Variants in MAPRE1 observed in about 807,000 individuals in gnomAD.
MAPRE1 encodes the protein microtubule-associated protein RP/EB family member 1.
MAPRE1 carries 5 observed loss-of-function variants against 32.1 expected under a neutral mutation model. The ratio of observed to expected loss-of-function variants is 0.16; its 90% confidence interval spans 0.08 to 0.33. MAPRE1 has a LOEUF of 0.33. Ranked by LOEUF, MAPRE1 falls within the 10% of genes least tolerant of loss-of-function variation. The pLI, the probability that MAPRE1 is intolerant of heterozygous loss-of-function variation, is 1.00. For missense variants in MAPRE1, 209 were observed against 327.2 expected, an observed-to-expected ratio of 0.64 and a Z score of 2.79; for synonymous variants, 122 against 118.9, an observed-to-expected ratio of 1.03 and a Z score of -0.17.
In MAPRE1 at chr20:32,825,687, C is replaced by T. The variant is rs139565400; in HGVS notation, c.-3-238C>T. 1.8e-4 allele frequency among the ~76,000 whole-genome samples: 28 copies of T among 152,108 alleles called. No individual in the cohort carries two copies. In the East Asian group the frequency reaches 5.4e-3, roughly 29 times the overall value. ...GTACACGCCTGTAATCCCAGCTACT[C>T]GGGAGGCTGAGGCAGGAGAATTACT... On this transcript the variant is annotated intron_variant, in intron 1 of 6. Transcript: ENST00000375571.
At chr20:32,845,032 T>A (rs200140435) in intron 5 of MAPRE1, among the ~76,000 whole-genome samples, 23 of 105,892 alleles carry the variant, frequency 2.2e-4, no homozygotes, top group East Asian at 4.9e-4. Flanking sequence ...TGTATGTATG[T>A]ATGAATGAAT....
At chr20:32,830,671 G>A (rs1014212438) in intron 2 of MAPRE1, among the ~76,000 whole-genome samples, 3 of 151,850 alleles carry the variant, frequency 2.0e-5, no homozygotes, top group Non-Finnish European at 4.4e-5. Context: ...TATTGCATAA[G>A]TCTGCAGCCT....
intron 2 of MAPRE1, among the ~76,000 whole-genome samples, chr20:32,830,776 G>T (rs1352140078): frequency 1.0e-4 from 15 of 143,726 alleles, no homozygotes; most frequent in African/African-American, 3.9e-4. Context: ...TCGCTCTGTT[G>T]CCCAGGCTGG....
chr20:32,846,232 A>G (rs1192205011), intron 5 of MAPRE1, among the ~76,000 whole-genome samples: 3 of 152,082 alleles, frequency 2.0e-5, no homozygotes, highest in South Asian at 2.1e-4. Context: ...GGTCCTTTCT[A>G]TTGACCCCCT....
intron 5 of MAPRE1, among the ~76,000 whole-genome samples, chr20:32,845,103 C>T (rs1466827946): frequency 6.6e-6 from 1 of 152,124 alleles, no homozygotes; most frequent in East Asian, 1.9e-4. Context: ...TGTAATGGTC[C>T]ATTGATAGCT....
At chr20:32,830,956 C>T (rs1201088656) in intron 2 of MAPRE1, among the ~76,000 whole-genome samples, 1 of 152,146 alleles carries the variant, frequency 6.6e-6, no homozygotes, top group Non-Finnish European at 1.5e-5. Context: ...GATCTCCTGA[C>T]CTCGTGATCC....
At chr20:32,846,111 A>G (rs138991745) in intron 5 of MAPRE1, among the ~76,000 whole-genome samples, 90 of 152,254 alleles carry the variant, frequency 5.9e-4, no homozygotes, top group Admixed American at 3.5e-3. Context: ...AAGGACTGAG[A>G]CAGATTTCTT....
intron 2 of MAPRE1, among the ~76,000 whole-genome samples, chr20:32,832,310 G>T (rs1329711378): frequency 6.6e-6 from 1 of 152,126 alleles, no homozygotes; most frequent in Admixed American, 6.5e-5. Flanking sequence ...AGTGAAGCCT[G>T]CTGTGAATTA....
At position 32,844,740 on chromosome 20, in the gene MAPRE1, T is replaced by C. The variant is rs565161069; in HGVS notation, c.598-1878T>C. On this transcript the variant is annotated intron_variant, in intron 5 of 6. Coordinates refer to ENST00000375571, the MANE Select transcript of MAPRE1 (RefSeq NM_012325.3). Reference sequence around the variant, plus strand: ...ATTCCTTTTCATAAGCTCTTTCGACTTCCTTTCTTCCTTGGTCATTAATGC... The same window carrying C: ...ATTCCTTTTCATAAGCTCTTTCGACCTCCTTTCTTCCTTGGTCATTAATGC... Among the ~76,000 whole-genome samples, 4 of 152,320 alleles carry C rather than the reference T, an allele frequency of 2.6e-5. No homozygotes were observed. The South Asian group carries it at 8.3e-4, about 32-fold the overall frequency.
intron 4 of MAPRE1, among the ~76,000 whole-genome samples, chr20:32,839,257 A>G (rs950244859): frequency 1.3e-5 from 2 of 152,224 alleles, no homozygotes; most frequent in African/African-American, 4.8e-5. Context: ...GCACCTGGCA[A>G]CAGCCGAGAC....
At chr20:32,830,938 A>G (rs984736816) in intron 2 of MAPRE1, among the ~76,000 whole-genome samples, 1 of 151,980 alleles carries the variant, frequency 6.6e-6, no homozygotes, top group Non-Finnish European at 1.5e-5. Context: ...GTTTGCCAGG[A>G]TGGTCTCGAT....
rs142135206 is a variant in MAPRE1, at chr20:32,836,722, A to G, written c.356A>G (p.Tyr119Cys). 8 of 1,613,584 alleles carry G rather than the reference A, an allele frequency of 5.0e-6. No homozygotes were observed. The highest frequency in any genetic ancestry group is 1.3e-5 in the African/African-American group (1 of 74,918). Residue 119 changes from tyrosine to cysteine, a missense_variant, in exon 4 of 7, where the codon TAT becomes TGT. Transcript: ENST00000375571. Reference sequence around the variant, plus strand: ...TTCAAGAAGTTTTTCGATGCAAACTATGATGGAAAAGACTATGACCCTGTG... The same window carrying G: ...TTCAAGAAGTTTTTCGATGCAAACTGTGATGGAAAAGACTATGACCCTGTG... ...QWFKKFFDAN[Y>C]DGKDYDPVAA...
At position 32,839,953 on chromosome 20, in the gene MAPRE1, C is replaced by T. The variant is rs142291840; in HGVS notation, c.597+97C>T. The T allele has an allele frequency of 4.1e-4, 622 of 1,521,982 alleles. 11 individuals are homozygous for T. In the East Asian group the frequency reaches 0.014, roughly 34 times the overall value. The allele number at this position is 1,521,982 out of a possible 1,614,324, so 94.3% of individuals were successfully genotyped here. Reference sequence around the variant, plus strand: ...TCCGTGTTCTTAAATGAACACCTGCCTTGTTTGCTTGCCAGAGCATGTGAC... The same window carrying T: ...TCCGTGTTCTTAAATGAACACCTGCTTTGTTTGCTTGCCAGAGCATGTGAC... On this transcript the variant is annotated intron_variant, in intron 5 of 6. Transcript: ENST00000375571.
intron 4 of MAPRE1, among the ~76,000 whole-genome samples, chr20:32,837,585 GT>G (rs1479772482): frequency 6.6e-6 from 1 of 152,172 alleles, no homozygotes; most frequent in Non-Finnish European, 1.5e-5. Context: ...ATTAGTTAAG[GT>G]TTCATAATAC....
intron 5 of MAPRE1, among the ~76,000 whole-genome samples, chr20:32,844,256 A>G (rs186755832): frequency 1.4e-4 from 22 of 151,982 alleles, no homozygotes; most frequent in Non-Finnish European, 2.2e-4. Context: ...AGTGTTTGTT[A>G]TGTGTGTATA....
chr20:32,835,586 T>C (rs1205139129), intron 3 of MAPRE1, among the ~76,000 whole-genome samples: 1 of 152,070 alleles, frequency 6.6e-6, no homozygotes, highest in Non-Finnish European at 1.5e-5. Context: ...GTTAGAATTA[T>C]TCTTTTTTCT....
intron 2 of MAPRE1, among the ~76,000 whole-genome samples, chr20:32,830,978 C>T (rs1207406135): frequency 2.6e-5 from 4 of 151,086 alleles, no homozygotes; most frequent in African/African-American, 9.7e-5. Flanking sequence ...CCTGCGTCGG[C>T]CTCCCAAAGT....
intron 4 of MAPRE1, among the ~76,000 whole-genome samples, chr20:32,838,336 T>C (rs1238820786): frequency 6.6e-6 from 1 of 152,242 alleles, no homozygotes; most frequent in East Asian, 1.9e-4. Flanking sequence ...TTCTTTTTTA[T>C]TGTGGAATAA....
chr20:32,836,097 C>T (rs1211492348), intron 3 of MAPRE1, among the ~76,000 whole-genome samples: 2 of 151,964 alleles, frequency 1.3e-5, no homozygotes, highest in Non-Finnish European at 2.9e-5. Context: ...GAGCTGGGAC[C>T]ATAGGCGCAT....
Sources: allele counts gnomAD v4.1 joint callset (sites outside exome capture counted in the v4.1 genomes callset), GRCh38; gene constraint gnomAD v4.1.1; transcripts MANE v1.5; gene names NCBI Gene and HGNC (gene_info 2026-07-23, HGNC 2026-07-21).